Variants in RNF150 observed in about 807,000 individuals in gnomAD.
RNF150 encodes the protein ring finger protein 150.
RNF150 carries 24 observed loss-of-function variants against 39.3 expected under a neutral mutation model. That is an observed-to-expected ratio of 0.61 (90% CI 0.44 to 0.86). The LOEUF is 0.86. Among genes scored for constraint, RNF150 ranks in the 40% least tolerant of loss-of-function variants. The pLI is 0.00. For missense variants in RNF150, 502 were observed against 587.8 expected (o/e 0.85, Z 1.51); for synonymous variants, 255 against 227.3 (o/e 1.12, Z -1.10).
At chr4:140,888,953 T>TA (rs1212555729) in intron 6 of RNF150, among the ~76,000 whole-genome samples, 1 of 152,192 alleles carries the variant, frequency 6.6e-6, no homozygotes, top group African/African-American at 2.4e-5. Context: ...AGGAGATAGA[T>TA]AAGAAACCCA....
At chr4:140,945,616 CAT>C (rs887474974) in intron 4 of RNF150, among the ~76,000 whole-genome samples, 2 of 146,800 alleles carry the variant, frequency 1.4e-5, no homozygotes, top group African/African-American at 2.5e-5. Context: ...ATATATACTA[CAT>C]ATATATACTA....
intron 1 of RNF150, among the ~76,000 whole-genome samples, chr4:141,007,279 C>T (rs1192206641): frequency 2.0e-5 from 3 of 152,142 alleles, no homozygotes; most frequent in African/African-American, 7.2e-5. Context: ...TGGTGAGGGT[C>T]TTCTGTAAGG....
chr4:141,194,323 C>A (rs534063991), intron 1 of RNF150, among the ~76,000 whole-genome samples: 1 of 152,182 alleles, frequency 6.6e-6, no homozygotes, highest in East Asian at 1.9e-4. Context: ...TAGCTAAGGA[C>A]AAAGGATTAT....
chr4:141,107,738 T>G (rs563665814), intron 1 of RNF150, among the ~76,000 whole-genome samples: 7 of 152,292 alleles, frequency 4.6e-5, no homozygotes, highest in Admixed American at 3.3e-4. Flanking sequence ...CTCTCCATAT[T>G]AAAATCTTCC....
intron 1 of RNF150, among the ~76,000 whole-genome samples, chr4:141,087,137 T>G (rs1487568025): frequency 2.0e-5 from 3 of 152,108 alleles, no homozygotes; most frequent in African/African-American, 7.2e-5. Context: ...CTCTCCTTCC[T>G]CCCACCCTCC....
chr4:141,140,962 A>C (rs1217225166), intron 1 of RNF150, among the ~76,000 whole-genome samples: 1 of 152,236 alleles, frequency 6.6e-6, no homozygotes, highest in Non-Finnish European at 1.5e-5. Context: ...TTTGCTATTT[A>C]GGTCAAGACT....
Position 141,133,017 on chromosome 4 carries a change from C to G in RNF150, c.-209G>C. The G allele has an allele frequency of 2.0e-6, 1 of 494,056 alleles. No homozygotes were observed. Among genetic ancestry groups the G allele is most frequent in the South Asian group, 2.5e-5 (1 of 39,966 alleles). 30.6% of individuals were successfully genotyped at this position (494,056 alleles called of 1,614,324 possible). ...TGGCCCCTTCCCCTCTCAGCTGTAG[C>G]GCGGTGGTTGCATTTTGCTTCTTGG... On this transcript the variant is annotated 5_prime_UTR_variant, in exon 1 of 7. Transcript: ENST00000515673.
chr4:141,114,895 A>G (rs1461807111), intron 1 of RNF150, among the ~76,000 whole-genome samples: 1 of 152,224 alleles, frequency 6.6e-6, no homozygotes, highest in Non-Finnish European at 1.5e-5. Flanking sequence ...ACAAAACCAC[A>G]TAATTATCTC....
Position 141,178,244 on chromosome 4 carries a change from ATG to A in RNF150, c.-6+34548_-6+34549del, listed in dbSNP as rs112444817. 1.9e-3 allele frequency among the ~76,000 whole-genome samples: 290 copies of A among 148,810 alleles called. 2 individuals carry two copies. Among genetic ancestry groups the A allele is most frequent in the Admixed American group, 3.4e-3 (50 of 14,904 alleles). On this transcript the variant is annotated intron_variant, in intron 1 of 7. Transcript: ENST00000420921. ...GCACCCTCAGAGTATGTGTGTGTGT[ATG>A]TGTGTGTGTGTGTGTGCGTGCGCAT...
intron 4 of RNF150, among the ~76,000 whole-genome samples, chr4:140,936,628 A>C (rs937810814): frequency 2.0e-5 from 3 of 152,110 alleles, no homozygotes; most frequent in African/African-American, 7.2e-5. Flanking sequence ...TTATAGCATA[A>C]ATTTTAAATT....
chr4:140,993,052 C>A (rs1734251267), intron 1 of RNF150, among the ~76,000 whole-genome samples: 1 of 152,064 alleles, frequency 6.6e-6, no homozygotes, highest in Non-Finnish European at 1.5e-5. Flanking sequence ...GTGTCAAGAA[C>A]CGTCTTGGTG....
intron 1 of RNF150, among the ~76,000 whole-genome samples, chr4:141,174,637 ACT>A (rs1294962621): frequency 1.2e-4 from 18 of 152,066 alleles, no homozygotes; most frequent in African/African-American, 4.1e-4. Context: ...CTTGGTCCCT[ACT>A]CTGCCTTGAA....
intron 1 of RNF150, among the ~76,000 whole-genome samples, chr4:141,081,428 G>A (rs1738143621): frequency 1.3e-5 from 2 of 152,218 alleles, no homozygotes; most frequent in South Asian, 2.1e-4. Context: ...CTAAAGACCA[G>A]TGCTTCCATC....
intron 2 of RNF150, 57 bp downstream of exon 2, chr4:140,967,566 T>C (rs1733293130): frequency 6.7e-7 from 1 of 1,484,228 alleles, no homozygotes; most frequent in Non-Finnish European, 9.1e-7. Context: ...TGTTCAAAGA[T>C]GTTTAATAAC....
intron 2 of RNF150, among the ~76,000 whole-genome samples, chr4:140,954,880 T>A (rs1476899476): frequency 6.6e-6 from 1 of 152,216 alleles, no homozygotes; most frequent in Non-Finnish European, 1.5e-5. Flanking sequence ...AAACATAGCA[T>A]CAAAACTGAG....
intron 1 of RNF150, among the ~76,000 whole-genome samples, chr4:141,079,746 C>A (rs1483852395): frequency 6.6e-6 from 1 of 152,200 alleles, no homozygotes; most frequent in African/African-American, 2.4e-5. Flanking sequence ...GCTAGTAACA[C>A]CTCCTAGCAG....
chr4:140,863,105 C>T lies in RNF150; in HGVS notation c.*5156G>A, dbSNP rs1189521095. On this transcript the variant is annotated 3_prime_UTR_variant, in exon 7 of 7. Transcript: ENST00000515673. ...CTTCAGGAATTAGTGGCCCTCAGAT[C>T]ACTTACGATGAGCAAGCACTTGTGC... The T allele has an allele frequency of 6.6e-6, 1 of 152,150 alleles. No homozygotes were observed. Among genetic ancestry groups the T allele is most frequent in the African/African-American group, 2.4e-5 (1 of 41,416 alleles). The allele number at this position is 152,150 out of a possible 1,614,324, so 9.4% of individuals were successfully genotyped here.
intron 1 of RNF150, among the ~76,000 whole-genome samples, chr4:141,159,414 C>G (rs550494315): frequency 6.6e-6 from 1 of 152,182 alleles, no homozygotes; most frequent in Admixed American, 6.5e-5. Context: ...AATCTAAAAA[C>G]TCTCAGCCAT....
At chr4:140,868,522 G>A (rs1728804188) in intron 6 of RNF150, 143 bp from the exon 7 acceptor site, 4 of 588,360 alleles carry the variant, frequency 6.8e-6, no homozygotes, top group Non-Finnish European at 1.2e-5. Flanking sequence ...AAAAACTCTA[G>A]TTAAAGCCTC....
Sources: gnomAD v4.1 joint callset for allele counts (sites outside exome capture counted in the v4.1 genomes callset) on GRCh38, gnomAD v4.1.1 for gene constraint, MANE v1.5 for transcripts, NCBI Gene and HGNC (gene_info 2026-07-23, HGNC 2026-07-21) for gene names.